DRC8: variants seen among roughly 807,000 people sequenced by gnomAD.
DRC8 encodes dynein regulatory complex protein 8.
the DRC8 span, among the ~76,000 whole-genome samples, chr1:245,066,515 A>G: frequency 6.6e-6 from 1 of 152,352 alleles, no homozygotes; most frequent in South Asian, 2.1e-4. Context: ...AAACTGATAT[A>G]GAGGATAAAA....
the DRC8 span, among the ~76,000 whole-genome samples, chr1:245,106,467 T>C: frequency 2.6e-5 from 4 of 152,196 alleles, no homozygotes; most frequent in Admixed American, 2.6e-4. Context: ...TGTTAAATAA[T>C]TAACATTTAC....
the DRC8 span, among the ~76,000 whole-genome samples, chr1:245,025,365 A>G: frequency 2.0e-5 from 3 of 152,226 alleles, no homozygotes; most frequent in Non-Finnish European, 4.4e-5. Flanking sequence ...TGCATTTTCT[A>G]TGTGTCACCC....
the DRC8 span, chr1:245,075,443 G>C: frequency 6.6e-6 from 1 of 152,378 alleles, no homozygotes; most frequent in African/African-American, 2.4e-5. Context: ...CTCCATATTG[G>C]GGAAGAGGAG....
chr1:244,988,462 T>C, the DRC8 span, among the ~76,000 whole-genome samples: 1 of 152,196 alleles, frequency 6.6e-6, no homozygotes, highest in Non-Finnish European at 1.5e-5. Flanking sequence ...GTAAATAATA[T>C]ATTTTTAAAG....
At chr1:245,052,341 G>A in the DRC8 span, among the ~76,000 whole-genome samples, 2 of 152,178 alleles carry the variant, frequency 1.3e-5, no homozygotes, top group Non-Finnish European at 2.9e-5. Context: ...AGGATGGAGG[G>A]TGAAGGGCCC....
chr1:245,028,180 T>C, the DRC8 span, among the ~76,000 whole-genome samples: 2 of 152,242 alleles, frequency 1.3e-5, no homozygotes, highest in African/African-American at 2.4e-5. Context: ...TCAGCCACCA[T>C]GCTGAGCCTC....
the DRC8 span, chr1:245,124,869 T>G: frequency 6.6e-6 from 1 of 152,136 alleles, no homozygotes; most frequent in Non-Finnish European, 1.5e-5. Flanking sequence ...CCCAAACCCT[T>G]AAAAACCCCA....
chr1:244,978,068 T>G, the DRC8 span, among the ~76,000 whole-genome samples: 1 of 152,246 alleles, frequency 6.6e-6, no homozygotes, highest in Non-Finnish European at 1.5e-5. Context: ...AATTAAAAAT[T>G]ATTCTTACCC....
the DRC8 span, among the ~76,000 whole-genome samples, chr1:244,995,176 C>T: frequency 6.6e-6 from 1 of 152,084 alleles, no homozygotes; most frequent in Non-Finnish European, 1.5e-5. Context: ...TCCTGGCCAA[C>T]ATGGCGAAAC....
chr1:245,043,018 A>G, the DRC8 span, among the ~76,000 whole-genome samples: 3 of 152,206 alleles, frequency 2.0e-5, no homozygotes, highest in East Asian at 1.9e-4. Context: ...TCTTACTCCT[A>G]TGCCCACTAC....
the DRC8 span, among the ~76,000 whole-genome samples, chr1:245,042,452 GAAGA>G: frequency 6.6e-6 from 1 of 152,206 alleles, no homozygotes; most frequent in South Asian, 2.1e-4. Context: ...TAGCTCTGCT[GAAGA>G]AAGAGATTTC....
the DRC8 span, among the ~76,000 whole-genome samples, chr1:245,119,498 A>G: frequency 6.6e-6 from 1 of 151,996 alleles, no homozygotes; most frequent in Non-Finnish European, 1.5e-5. Flanking sequence ...CCCTGTCTCT[A>G]CAAAAAAAAT....
At chr1:245,049,550 C>A in the DRC8 span, among the ~76,000 whole-genome samples, 1 of 152,028 alleles carries the variant, frequency 6.6e-6, no homozygotes, top group South Asian at 2.1e-4. The surrounding 1 kb of genome is among the most constrained non-coding windows in gnomAD (Gnocchi z 4.5). Flanking sequence ...TATGTATGCC[C>A]CACCTAAACA....
chr1:245,048,117 C>G, the DRC8 span, among the ~76,000 whole-genome samples: 2 of 151,920 alleles, frequency 1.3e-5, no homozygotes, highest in Non-Finnish European at 1.5e-5. Context: ...GGTCTTGTTT[C>G]GAGTGGCAGA....
At chr1:245,006,133 C>T in the DRC8 span, among the ~76,000 whole-genome samples, 3 of 152,086 alleles carry the variant, frequency 2.0e-5, no homozygotes, top group Non-Finnish European at 4.4e-5. Flanking sequence ...AAAGGCCTTG[C>T]GAACCATTGG....
chr1:245,118,795 A>G, the DRC8 span, among the ~76,000 whole-genome samples: 1 of 138,574 alleles, frequency 7.2e-6, no homozygotes, highest in East Asian at 2.2e-4. Flanking sequence ...GCCATCTCAA[A>G]AAAAGAAAAG....
chr1:245,105,952 G>A, the DRC8 span, among the ~76,000 whole-genome samples: 762 of 152,314 alleles, frequency 5.0e-3, 11 homozygotes, highest in African/African-American at 0.017. Flanking sequence ...GGTGGCACAT[G>A]CCTGTAGTCC....
At chr1:245,046,848 C>T in the DRC8 span, among the ~76,000 whole-genome samples, 2 of 152,182 alleles carry the variant, frequency 1.3e-5, no homozygotes, top group South Asian at 4.1e-4. Flanking sequence ...TTCTCACTCG[C>T]TCTCTTATAT....
chr1:245,071,037 C>A, the DRC8 span, among the ~76,000 whole-genome samples: 14 of 152,218 alleles, frequency 9.2e-5, no homozygotes, highest in African/African-American at 2.9e-4. Flanking sequence ...CTGCTGGTAC[C>A]CTGATCTGGG....
Sources: gnomAD v4.1 joint callset for allele counts (sites outside exome capture counted in the v4.1 genomes callset) on GRCh38, gnomAD v4.1.1 for gene constraint, Gnocchi (gnomAD v3.1) non-coding constraint, MANE v1.5 for transcripts, NCBI Gene and HGNC (gene_info 2026-07-23, HGNC 2026-07-21) for gene names.